Variants in METTL9 observed in about 807,000 individuals in gnomAD.
METTL9 encodes the protein methyltransferase 9, His-X-His N1(pi)-histidine, also known as protein-L-histidine N-pros-methyltransferase.
A neutral mutation model predicts 36.0 loss-of-function variants in METTL9; 10 were observed. That is an observed-to-expected ratio of 0.28 (90% confidence interval 0.17 to 0.47). METTL9 has a LOEUF of 0.47. Among genes scored for constraint, METTL9 ranks in the 20% least tolerant of loss-of-function variants. The probability of loss-of-function intolerance (pLI) is 0.99; values close to 1 mark genes in which losing one functional copy is unlikely to be tolerated. For missense variants in METTL9, 246 were observed against 383.5 expected (o/e 0.64, Z 3.00); for synonymous variants, 175 against 149.7 (o/e 1.17, Z -1.23).
intron 4 of METTL9, chr16:21,643,557 G>A (rs1333892235): frequency 6.2e-7 from 1 of 1,602,906 alleles, no homozygotes; most frequent in Non-Finnish European, 8.5e-7. Flanking sequence ...CCTTTTGTGA[G>A]TCTTCTTTTA....
In METTL9 at chr16:21,599,652, G is replaced by A. The variant is rs1338712874; in HGVS notation, c.-82G>A. The A allele has an allele frequency of 1.6e-5, 22 of 1,348,506 alleles. No homozygotes were observed. The highest frequency in any genetic ancestry group is 6.2e-5 in the African/African-American group (4 of 64,648). The allele number at this position is 1,348,506 out of a possible 1,614,324, so 83.5% of individuals were successfully genotyped here. A position where few individuals can be genotyped will look rare whatever the true frequency, so the allele number is the denominator to read the frequency against. ...CGCGATGGCTCGAGCTCGGGCGGTG[G>A]CGGCGGTGGCCGGAGGCGGCGGTGC... On this transcript the variant is annotated 5_prime_UTR_variant, in exon 1 of 5. Coordinates refer to ENST00000358154, the MANE Select transcript of METTL9 (RefSeq NM_016025.5). This position sits in a 1 kb window ranked among gnomAD's most constrained non-coding sequence, Gnocchi z 4.4.
intron 4 of METTL9, chr16:21,654,951 C>T: frequency 4.5e-6 from 2 of 445,258 alleles, no homozygotes; most frequent in Non-Finnish European, 8.1e-6. Flanking sequence ...GAGAAGATAA[C>T]AGTGTGGGGC....
At chr16:21,628,080 A>AT (rs1965855242) in intron 4 of METTL9, among the ~76,000 whole-genome samples, 1 of 152,230 alleles carries the variant, frequency 6.6e-6, no homozygotes, top group Non-Finnish European at 1.5e-5. Context: ...AAAAAATTAT[A>AT]CAGGCAGTTC....
At chr16:21,636,373 C>T (rs1397124544) in intron 4 of METTL9, among the ~76,000 whole-genome samples, 1 of 152,120 alleles carries the variant, frequency 6.6e-6, no homozygotes, top group African/African-American at 2.4e-5. Flanking sequence ...GAGTAGACTC[C>T]TGGAGTTTAT....
At chr16:21,617,431 A>AT (rs1567330601) in intron 2 of METTL9, among the ~76,000 whole-genome samples, 1 of 69,244 alleles carries the variant, frequency 1.4e-5, no homozygotes, top group East Asian at 2.9e-4. Flanking sequence ...AAAAAAAAAA[A>AT]GAAAAAAAAA....
intron 4 of METTL9, among the ~76,000 whole-genome samples, chr16:21,637,195 G>C (rs919958892): frequency 2.0e-5 from 3 of 152,124 alleles, no homozygotes; most frequent in Admixed American, 1.3e-4. Context: ...CCTGCTGATT[G>C]GTCCATTTTA....
chr16:21,655,487 A>T lies in METTL9; in HGVS notation c.*55A>T, dbSNP rs1210997256. ...GCACCCTCCGGGATGTGCCCTTGGA[A>T]GAGGGTCTGTGTTCACAATTACGTG... is the stretch of plus-strand genomic sequence containing the variant. On this transcript the variant is annotated 3_prime_UTR_variant, in exon 5 of 5. Transcript: ENST00000358154. 6.5e-5 allele frequency: 96 copies of T among 1,468,316 alleles called. 1 individual carries two copies. The allele number at this position is 1,468,316 out of a possible 1,614,324, so 91.0% of individuals were successfully genotyped here.
chr16:21,599,434 G>T, upstream of METTL9: 1 of 1,126,790 alleles, frequency 8.9e-7, no homozygotes, highest in Non-Finnish European at 1.1e-6. The surrounding 1 kb of genome is among the most constrained non-coding windows in gnomAD (Gnocchi z 4.4). Flanking sequence ...CCAGCGGCCC[G>T]CTCATTGGAC....
intron 4 of METTL9, chr16:21,644,481 T>G (rs1303881700): frequency 2.1e-6 from 2 of 933,378 alleles, no homozygotes; most frequent in African/African-American, 3.3e-5. Flanking sequence ...TCACACTGCG[T>G]TTTAGAGGTG....
chr16:21,600,551 A>G (rs1461476189), intron 1 of METTL9, among the ~76,000 whole-genome samples: 2 of 152,170 alleles, frequency 1.3e-5, no homozygotes, highest in Non-Finnish European at 2.9e-5. Flanking sequence ...CCTGCTAGAA[A>G]GATTGTGTGT....
At chr16:21,603,092 C>G (rs776194692) in intron 1 of METTL9, among the ~76,000 whole-genome samples, 4 of 151,946 alleles carry the variant, frequency 2.6e-5, no homozygotes, top group Non-Finnish European at 5.9e-5. Context: ...TGGCTTCTTA[C>G]AGAATAAAGA....
rs966398781 is a variant in METTL9 at position 21,599,583 on chromosome 16, A to C, written c.-151A>C. On this transcript the variant is annotated 5_prime_UTR_variant, in exon 1 of 5. Coordinates refer to ENST00000358154, the MANE Select transcript of METTL9 (RefSeq NM_016025.5). This position sits in a 1 kb window ranked among gnomAD's most constrained non-coding sequence, Gnocchi z 4.4. ...GGCTGCGCGCCGGCTGCTCCTCCCC[A>C]CCCCCAGCCTTTGCCCTGAAGGGGG... The C allele has an allele frequency of 1.5e-6, 2 of 1,292,822 alleles. No homozygotes were observed. Among genetic ancestry groups the C allele is most frequent in the African/African-American group, 3.1e-5 (2 of 63,838 alleles). 80.1% of individuals were successfully genotyped at this position (1,292,822 alleles called of 1,614,324 possible). A position where few individuals can be genotyped will look rare whatever the true frequency, so the allele number is the denominator to read the frequency against.
intron 4 of METTL9, among the ~76,000 whole-genome samples, chr16:21,628,892 CTT>C (rs35688864): frequency 2.5e-4 from 32 of 129,960 alleles, no homozygotes; most frequent in Admixed American, 4.5e-4. Flanking sequence ...TGAGATGTTT[CTT>C]TTTTTTTTTT....
chr16:21,607,871 G>C (rs1268473608), intron 1 of METTL9, among the ~76,000 whole-genome samples: 2 of 152,240 alleles, frequency 1.3e-5, no homozygotes, highest in East Asian at 3.9e-4. Flanking sequence ...ACCTGCGGCT[G>C]GGCGCAGCGG....
intron 4 of METTL9, chr16:21,652,289 G>A: frequency 5.3e-6 from 2 of 380,066 alleles, no homozygotes; most frequent in South Asian, 1.4e-4. Flanking sequence ...TCAACCCTTT[G>A]GTCAGATTGT....
chr16:21,644,314 G>T, intron 4 of METTL9: 1 of 1,613,116 alleles, frequency 6.2e-7, no homozygotes, highest in Non-Finnish European at 8.5e-7. Context: ...TGAAGGCCAC[G>T]CACACACCGG....
intron 3 of METTL9, among the ~76,000 whole-genome samples, chr16:21,624,393 C>A (rs776888052): frequency 2.0e-5 from 3 of 152,046 alleles, no homozygotes; most frequent in Non-Finnish European, 1.5e-5. Flanking sequence ...AAGGAAACTT[C>A]GTATGTGTTG....
At chr16:21,616,685 C>T (rs1363842777) in intron 2 of METTL9, among the ~76,000 whole-genome samples, 3 of 152,118 alleles carry the variant, frequency 2.0e-5, no homozygotes, top group East Asian at 1.9e-4. Flanking sequence ...GACATAAGTA[C>T]GAATCTACTT....
At chr16:21,654,983 G>A (rs1966669982) in intron 4 of METTL9, 2 of 521,996 alleles carry the variant, frequency 3.8e-6, no homozygotes, top group Admixed American at 3.5e-5. Context: ...ACAAACCTGG[G>A]CTTACATTTC....
Sources: allele counts gnomAD v4.1 joint callset (sites outside exome capture counted in the v4.1 genomes callset), GRCh38; gene constraint gnomAD v4.1.1; non-coding constraint Gnocchi (gnomAD v3.1); transcripts MANE v1.5; gene names NCBI Gene and HGNC (gene_info 2026-07-23, HGNC 2026-07-21).